MACROD2: variants seen among roughly 807,000 people sequenced by gnomAD.
The protein encoded by MACROD2 is mono-ADP ribosylhydrolase 2, also known as ADP-ribose glycohydrolase MACROD2.
In MACROD2, 36 loss-of-function variants were observed where a neutral mutation model predicts 70.4. The ratio of observed to expected loss-of-function variants is 0.51; its 90% CI spans 0.39 to 0.68. The LOEUF (loss-of-function observed/expected upper bound fraction) is 0.68, where lower values mean the gene tolerates loss of function less well. Among genes scored for constraint, MACROD2 ranks in the 30% least tolerant of loss-of-function variants. The probability of loss-of-function intolerance (pLI) is 0.00; values close to 1 mark genes in which losing one functional copy is unlikely to be tolerated. For missense variants in MACROD2, 496 were observed against 538.4 expected (o/e 0.92, Z 0.78); for synonymous variants, 172 against 178.8 (o/e 0.96, Z 0.30).
intron 3 of MACROD2, among the ~76,000 whole-genome samples, chr20:14,117,515 T>A (rs1482545096): frequency 6.6e-6 from 1 of 152,200 alleles, no homozygotes; most frequent in Non-Finnish European, 1.5e-5. Context: ...GCAGATATCA[T>A]GTAGAAACTG....
intron 4 of MACROD2, among the ~76,000 whole-genome samples, chr20:14,681,005 A>G (rs2070925505): frequency 2.6e-5 from 4 of 152,230 alleles, no homozygotes; most frequent in Admixed American, 2.0e-4. Flanking sequence ...ACTTCCAAAA[A>G]TAAGATATAT....
chr20:15,017,388 AC>A (rs1231289696), intron 5 of MACROD2, among the ~76,000 whole-genome samples: 1 of 152,134 alleles, frequency 6.6e-6, no homozygotes, highest in African/African-American at 2.4e-5. Context: ...GGGCAGCTCC[AC>A]CCCTGTGGCT....
intron 3 of MACROD2, among the ~76,000 whole-genome samples, chr20:14,479,780 AT>A (rs200722109): frequency 1.1e-4 from 17 of 152,180 alleles, no homozygotes; most frequent in South Asian, 4.1e-4. Flanking sequence ...CTTGTAAAAA[AT>A]TTTAAAAAAA....
chr20:15,655,084 C>T (rs988055347), intron 8 of MACROD2, among the ~76,000 whole-genome samples: 10 of 151,872 alleles, frequency 6.6e-5, no homozygotes, highest in African/African-American at 1.5e-4. Flanking sequence ...TAAACGATTT[C>T]AATCACACTT....
At chr20:14,162,172 T>C (rs571483964) in intron 3 of MACROD2, among the ~76,000 whole-genome samples, 3 of 152,334 alleles carry the variant, frequency 2.0e-5, no homozygotes, top group Non-Finnish European at 4.4e-5. Context: ...TGTGTTTGTA[T>C]GGTTTCAAAA....
intron 15 of MACROD2, among the ~76,000 whole-genome samples, chr20:16,012,083 G>A (rs949758707): frequency 5.3e-5 from 8 of 152,224 alleles, no homozygotes; most frequent in African/African-American, 1.9e-4. Flanking sequence ...CTCGGAGCCA[G>A]GCCTAATGAT....
chr20:15,562,065 A>G (rs147698330), intron 8 of MACROD2, among the ~76,000 whole-genome samples: 1 of 152,268 alleles, frequency 6.6e-6, no homozygotes, highest in East Asian at 1.9e-4. Flanking sequence ...AGTTTTGCAT[A>G]TAGAACATTT....
intron 5 of MACROD2, among the ~76,000 whole-genome samples, chr20:15,119,665 T>C (rs1456607283): frequency 2.0e-5 from 3 of 152,242 alleles, no homozygotes; most frequent in African/African-American, 7.2e-5. Context: ...CACACATATA[T>C]AGCAGTTTTT....
intron 3 of MACROD2, among the ~76,000 whole-genome samples, chr20:14,452,101 A>C (rs565634180): frequency 6.6e-6 from 1 of 152,044 alleles, no homozygotes; most frequent in African/African-American, 2.4e-5. Flanking sequence ...TGATTCTTCT[A>C]TCTACTGATG....
chr20:16,002,635 G>A (rs942215974), intron 15 of MACROD2, among the ~76,000 whole-genome samples: 6 of 152,112 alleles, frequency 3.9e-5, no homozygotes, highest in Non-Finnish European at 1.5e-5. Context: ...AACCGTAGTA[G>A]GTAATCAAAC....
At chr20:14,225,765 A>T (rs1235889057) in intron 3 of MACROD2, among the ~76,000 whole-genome samples, 1 of 152,218 alleles carries the variant, frequency 6.6e-6, no homozygotes, top group Non-Finnish European at 1.5e-5. Context: ...ATAAAAGTGC[A>T]AGTGGTCTCA....
intron 7 of MACROD2, among the ~76,000 whole-genome samples, chr20:15,497,900 G>A (rs2047318471): frequency 6.6e-6 from 1 of 152,078 alleles, no homozygotes; most frequent in South Asian, 2.1e-4. Context: ...AGAGGACAGG[G>A]ACTCATTAAA....
chr20:15,206,897 C>A (rs564828525), intron 5 of MACROD2, among the ~76,000 whole-genome samples: 2 of 150,290 alleles, frequency 1.3e-5, no homozygotes, highest in Non-Finnish European at 3.0e-5. Flanking sequence ...CCACCGCGCC[C>A]GGCTAATTTT....
At chr20:15,966,869 T>C (rs6135621) in intron 12 of MACROD2, among the ~76,000 whole-genome samples, 13,785 of 152,242 alleles carry the variant, frequency 0.091, 740 homozygotes, top group East Asian at 0.25. Flanking sequence ...CAGGGAGGCC[T>C]AAACATTTAG....
At chr20:15,236,396 A>G (rs762775034) in intron 6 of MACROD2, among the ~76,000 whole-genome samples, 18 of 152,168 alleles carry the variant, frequency 1.2e-4, no homozygotes, top group Non-Finnish European at 2.2e-4. Flanking sequence ...GATCCTGCAC[A>G]ATTTGTGTCT....
intron 6 of MACROD2, among the ~76,000 whole-genome samples, chr20:15,233,979 T>TA (rs1568657341): frequency 1.1e-3 from 55 of 48,986 alleles, no homozygotes; most frequent in Non-Finnish European, 1.4e-3. Flanking sequence ...TTATATATAT[T>TA]TATTTATATA....
intron 5 of MACROD2, among the ~76,000 whole-genome samples, chr20:15,023,959 C>T (rs1041014437): frequency 2.0e-5 from 3 of 152,090 alleles, no homozygotes; most frequent in Non-Finnish European, 2.9e-5. Flanking sequence ...TTGGAAGCCT[C>T]CTGTGAGGAT....
intron 5 of MACROD2, among the ~76,000 whole-genome samples, chr20:15,202,765 C>G (rs1020042627): frequency 6.6e-6 from 1 of 151,864 alleles, no homozygotes; most frequent in African/African-American, 2.4e-5. Flanking sequence ...ACCTCATGAC[C>G]CAAGATGGCT....
intron 2 of MACROD2, among the ~76,000 whole-genome samples, chr20:14,028,957 A>G (rs781470622): frequency 1.3e-5 from 2 of 152,216 alleles, no homozygotes; most frequent in African/African-American, 2.4e-5. Flanking sequence ...TTGATGATAT[A>G]GCATACTTCA....
Sources: allele counts gnomAD v4.1 joint callset (sites outside exome capture counted in the v4.1 genomes callset), GRCh38; gene constraint gnomAD v4.1.1; transcripts MANE v1.5; gene names NCBI Gene and HGNC (gene_info 2026-07-23, HGNC 2026-07-21).